Variants in IFT122 observed in about 807,000 individuals in gnomAD.
The protein encoded by IFT122 is intraflagellar transport protein 122 homolog.
IFT122 carries 118 observed loss-of-function variants against 161.6 expected under a neutral mutation model. The ratio of observed to expected loss-of-function variants is 0.73; its 90% CI spans 0.63 to 0.85. IFT122 has a LOEUF of 0.85. Ranked by LOEUF, IFT122 falls within the 40% of genes least tolerant of loss-of-function variation. IFT122 has a pLI of 0.00. For synonymous variants in IFT122, 550 were observed against 602.4 expected, an observed-to-expected ratio of 0.91 and a Z score of 1.27; for missense variants, 1,381 against 1,579.6, an observed-to-expected ratio of 0.87 and a Z score of 2.13.
intron 26 of IFT122, among the ~76,000 whole-genome samples, chr3:129,516,569 A>G (rs2083716684): frequency 3.3e-5 from 4 of 120,972 alleles, no homozygotes. Flanking sequence ...TCCTGCACAC[A>G]CACACACACA....
At chr3:129,497,647 C>A (rs145719710) in intron 18 of IFT122, among the ~76,000 whole-genome samples, 166 of 152,216 alleles carry the variant, frequency 1.1e-3, no homozygotes, top group African/African-American at 3.8e-3. Context: ...CCATTTGCTC[C>A]GTCTCTCTAT....
At chr3:129,512,514 A>G (rs774441368) in intron 24 of IFT122, 102 bp downstream of exon 24, 98 of 859,776 alleles carry the variant, frequency 1.1e-4, no homozygotes, top group Non-Finnish European at 1.8e-4. Context: ...TTCCTCTCTC[A>G]GCAACCCTCA....
rs1577367334 is a variant in IFT122 at position 129,461,294 on chromosome 3, C to CA, written c.340dup (p.Ser114LysfsTer2). The CA allele has an allele frequency of 6.2e-7, 1 of 1,612,212 alleles. No homozygotes were observed. The highest frequency in any genetic ancestry group is 2.2e-5 in the East Asian group (1 of 44,872). ...CTCATCAACTGGCATCTTGTTCCTC[C>CA]AGTGACTTTGGTACGTTCTGATTCC... On this transcript the variant is annotated frameshift_variant, in exon 5 of 30. Coordinates refer to ENST00000348417, the MANE Select transcript of IFT122 (RefSeq NM_052989.3). LOFTEE classifies it high-confidence loss of function.
chr3:129,495,773 G>A (rs1422783508), intron 18 of IFT122, among the ~76,000 whole-genome samples, 166 bp downstream of exon 18: 3 of 152,230 alleles, frequency 2.0e-5, no homozygotes, highest in African/African-American at 7.2e-5. Flanking sequence ...ACAGCCACTG[G>A]TTGAAACTCA....
intron 2 of IFT122, among the ~76,000 whole-genome samples, chr3:129,450,713 GTT>G (rs747032492): frequency 1.2e-5 from 1 of 80,966 alleles, no homozygotes; most frequent in Non-Finnish European, 2.3e-5. Context: ...GTGTGTGTGT[GTT>G]TTTTTTTTTT....
At chr3:129,463,246 TGCCA>T in intron 5 of IFT122, 3 of 325,520 alleles carry the variant, frequency 9.2e-6, no homozygotes, top group South Asian at 2.8e-5. Flanking sequence ...ATGTGTAGAT[TGCCA>T]TCAGCGTGAC....
Position 129,456,574 on chromosome 3 carries a change from T to G in IFT122, c.194-2025T>G, listed in dbSNP as rs971685431. On this transcript the variant is annotated intron_variant, in intron 3 of 29. Transcript: ENST00000348417. Reference sequence around the variant, plus strand: ...ATTGCTTGAACCTGGGAGGCGGAGATTGCAGTGAGCTGAGATTATGCCACT... The same window carrying G: ...ATTGCTTGAACCTGGGAGGCGGAGAGTGCAGTGAGCTGAGATTATGCCACT... Among the ~76,000 whole-genome samples, 7 of 152,088 alleles carry G rather than the reference T, an allele frequency of 4.6e-5. No homozygotes were observed. The East Asian group carries it at 1.4e-3, about 29-fold the overall frequency.
rs903231785 is a variant in IFT122 at position 129,519,144 on chromosome 3, C to T, written c.3429C>T (p.Ser1143=). 1 of 1,614,006 alleles carries T rather than the reference C, an allele frequency of 6.2e-7. No homozygotes were observed. Among genetic ancestry groups the T allele is most frequent in the African/African-American group, 1.3e-5 (1 of 74,950 alleles). ...QILRLVETKD[S]IGDEDPFTAK... ...TGCGGCTAGTGGAGACCAAGGACTC[C>T]ATCGGAGATGAGGACCCGTTCACAG... Residue 1143 remains serine, a synonymous_variant, in exon 28 of 30, where the codon TCC becomes TCT. Coordinates refer to ENST00000348417, the MANE Select transcript of IFT122 (RefSeq NM_052989.3).
chr3:129,512,234 A>G, intron 23 of IFT122, 78 bp from the exon 24 acceptor site: 2 of 955,440 alleles, frequency 2.1e-6, no homozygotes, highest in Non-Finnish European at 3.5e-6. Context: ...ACTCAGAATT[A>G]TTGGTGTCTG....
rs1156762515 is a variant in IFT122, at chr3:129,514,622, C to T, written c.3153+68C>T. The T allele has an allele frequency of 1.7e-5, 27 of 1,575,532 alleles. No individual in the cohort carries two copies. In the East Asian group the frequency reaches 5.8e-4, roughly 34 times the overall value. On this transcript the variant is annotated intron_variant, in intron 25 of 29. Coordinates refer to ENST00000348417, the MANE Select transcript of IFT122 (RefSeq NM_052989.3). ...TTGAGGCCATCTCATGCCTTCTTGC[C>T]TGGCCTGGGTTCCGTTTGAAGAGAG... is the stretch of plus-strand genomic sequence containing the variant.
chr3:129,468,641 G>T (rs2077051528), intron 8 of IFT122, among the ~76,000 whole-genome samples: 1 of 152,222 alleles, frequency 6.6e-6, no homozygotes, highest in Non-Finnish European at 1.5e-5. Flanking sequence ...ATCACGGGCT[G>T]CCGCTTTTCT....
intron 17 of IFT122, among the ~76,000 whole-genome samples, 164 bp downstream of exon 17, chr3:129,492,358 G>C (rs1459191280): frequency 6.6e-6 from 1 of 152,186 alleles, no homozygotes; most frequent in Non-Finnish European, 1.5e-5. Flanking sequence ...TGGCCACACT[G>C]GGGGAGACAA....
At chr3:129,479,682 T>C in intron 12 of IFT122, 103 bp from the exon 13 acceptor site, 1 of 1,364,476 alleles carries the variant, frequency 7.3e-7, no homozygotes, top group Non-Finnish European at 1.0e-6. Flanking sequence ...GGATACTGAA[T>C]GTGTAGGTAT....
At position 129,519,600 on chromosome 3, in the gene IFT122, G is replaced by GAGCC; in HGVS notation, c.3505_3508dup (p.Arg1170GlnfsTer33). 1.2e-6 allele frequency: 2 copies of GAGCC among 1,613,540 alleles called. No individual in the cohort carries two copies. The highest frequency in any genetic ancestry group is 1.7e-6 in the Non-Finnish European group (2 of 1,180,014). On this transcript the variant is annotated frameshift_variant, in exon 29 of 30. Transcript: ENST00000348417. LOFTEE classifies it high-confidence loss of function. Reference sequence around the variant, plus strand: ...GCTCAGAGTTCGTGCCAGTGGTGGTGAGCCGGCTGGTGCTGCGCTCCATGA... The same window carrying GAGCC: ...GCTCAGAGTTCGTGCCAGTGGTGGTGAGCCAGCCGGCTGGTGCTGCGCTCCATGA...
intron 27 of IFT122, 94 bp downstream of exon 27, chr3:129,517,688 G>A (rs969066892): frequency 6.8e-5 from 101 of 1,495,506 alleles, no homozygotes; most frequent in Non-Finnish European, 8.5e-5. Flanking sequence ...AGGGGATCGC[G>A]GGCCATGCTG....
chr3:129,511,983 G>A (rs2082891053), intron 23 of IFT122, among the ~76,000 whole-genome samples: 1 of 152,244 alleles, frequency 6.6e-6, no homozygotes, highest in Non-Finnish European at 1.5e-5. Flanking sequence ...GTACAGCTTG[G>A]AAGAAAGACA....
At chr3:129,446,986 A>G (rs551003112) in intron 1 of IFT122, among the ~76,000 whole-genome samples, 28 of 152,210 alleles carry the variant, frequency 1.8e-4, no homozygotes, top group African/African-American at 6.7e-4. Flanking sequence ...AACCAATGAA[A>G]TCCTCTGCCT....
At chr3:129,480,019 GA>G in intron 13 of IFT122, 97 bp downstream of exon 13, 1 of 1,455,478 alleles carries the variant, frequency 6.9e-7, no homozygotes, top group Non-Finnish European at 9.6e-7. Context: ...CTCAGGGCAG[GA>G]AAAGGGCTTC....
chr3:129,514,720 G>A, intron 25 of IFT122, 166 bp downstream of exon 25: 1 of 796,890 alleles, frequency 1.3e-6, no homozygotes. Flanking sequence ...GTGCTTCCCT[G>A]TCCACCTCCT....
Sources: gnomAD v4.1 joint callset for allele counts (sites outside exome capture counted in the v4.1 genomes callset) on GRCh38, gnomAD v4.1.1 for gene constraint, MANE v1.5 for transcripts, NCBI Gene and HGNC (gene_info 2026-07-23, HGNC 2026-07-21) for gene names.